The following PLAG1 variants were observed in gnomAD, a reference collection of about 807,000 sequenced individuals.
PLAG1 encodes zinc finger protein PLAG1.
In PLAG1, 7 loss-of-function variants were observed where a neutral mutation model predicts 35.5. The ratio of observed to expected loss-of-function variants is 0.20; its 90% CI spans 0.11 to 0.37. The LOEUF (loss-of-function observed/expected upper bound fraction) is 0.37, where lower values mean the gene tolerates loss of function less well. PLAG1 is among the 10% of genes least tolerant of loss of function. The pLI is 1.00. For synonymous variants in PLAG1, 229 were observed against 225.4 expected, an observed-to-expected ratio of 1.02 and a Z score of -0.14; for missense variants, 454 against 602.8, an observed-to-expected ratio of 0.75 and a Z score of 2.58.
intron 1 of PLAG1, among the ~76,000 whole-genome samples, chr8:56,189,424 C>T (rs536128848): frequency 6.6e-6 from 1 of 152,252 alleles, no homozygotes; most frequent in South Asian, 2.1e-4. Context: ...CCAGTATAGA[C>T]CCCCTATCTG....
intron 1 of PLAG1, among the ~76,000 whole-genome samples, chr8:56,200,057 C>T (rs1812505685): frequency 6.6e-6 from 1 of 152,274 alleles, no homozygotes; most frequent in Admixed American, 6.5e-5. Flanking sequence ...GCTTTCTCCA[C>T]CATCATTCTG....
chr8:56,180,571 G>A (rs1352565701), intron 1 of PLAG1, among the ~76,000 whole-genome samples: 1 of 152,176 alleles, frequency 6.6e-6, no homozygotes. Flanking sequence ...TATTGCCTAG[G>A]TTTTCTTCTA....
chr8:56,204,929 A>G (rs1182677048), intron 1 of PLAG1, among the ~76,000 whole-genome samples: 1 of 151,896 alleles, frequency 6.6e-6, no homozygotes. Flanking sequence ...AGTAAAGGCA[A>G]CTTCTATCCC....
intron 1 of PLAG1, among the ~76,000 whole-genome samples, chr8:56,205,481 A>C (rs1812671945): frequency 6.6e-6 from 1 of 151,866 alleles, no homozygotes; most frequent in East Asian, 1.9e-4. Flanking sequence ...ATTGGTATTA[A>C]AAATATTCTT....
At chr8:56,186,504 T>C (rs893723962) in intron 1 of PLAG1, among the ~76,000 whole-genome samples, 5 of 151,916 alleles carry the variant, frequency 3.3e-5, no homozygotes, top group Non-Finnish European at 7.4e-5. Flanking sequence ...CCTGAGTAGG[T>C]AGGACCACAG....
chr8:56,183,184 T>C (rs527366686), intron 1 of PLAG1, among the ~76,000 whole-genome samples: 14 of 152,220 alleles, frequency 9.2e-5, no homozygotes, highest in South Asian at 2.1e-4. Flanking sequence ...GGAGTGTAAA[T>C]TGTTGAAACC....
intron 1 of PLAG1, among the ~76,000 whole-genome samples, chr8:56,197,381 C>G (rs911414439): frequency 1.3e-5 from 2 of 152,216 alleles, no homozygotes; most frequent in Non-Finnish European, 1.5e-5. Context: ...CTCTCTCCCC[C>G]AGTCCAGGTG....
intron 1 of PLAG1, among the ~76,000 whole-genome samples, chr8:56,198,785 C>T (rs943536093): frequency 6.6e-6 from 1 of 152,106 alleles, no homozygotes; most frequent in African/African-American, 2.4e-5. Context: ...CCCAGGACTC[C>T]TCACCTCTGA....
intron 1 of PLAG1, among the ~76,000 whole-genome samples, chr8:56,195,941 A>G (rs1162856857): frequency 6.6e-6 from 1 of 152,184 alleles, no homozygotes; most frequent in Admixed American, 6.5e-5. Context: ...AGTGATATCA[A>G]GATGACAGAC....
At chr8:56,170,396 G>C (rs1455463922) in intron 3 of PLAG1, among the ~76,000 whole-genome samples, 1 of 152,092 alleles carries the variant, frequency 6.6e-6, no homozygotes, top group Non-Finnish European at 1.5e-5. Flanking sequence ...GCTTCCCTTG[G>C]AAATATCTAA....
At chr8:56,179,872 T>C (rs1420656398) in intron 1 of PLAG1, among the ~76,000 whole-genome samples, 1 of 152,162 alleles carries the variant, frequency 6.6e-6, no homozygotes, top group Non-Finnish European at 1.5e-5. Flanking sequence ...CCTTTTGTGG[T>C]GTCTATCTTG....
At chr8:56,198,351 C>A (rs1812444480) in intron 1 of PLAG1, among the ~76,000 whole-genome samples, 1 of 152,196 alleles carries the variant, frequency 6.6e-6, no homozygotes, top group Non-Finnish European at 1.5e-5. Context: ...CTGAGGCAGG[C>A]AGGCTGTGGG....
intron 1 of PLAG1, among the ~76,000 whole-genome samples, chr8:56,187,932 T>A (rs1006696930): frequency 1.3e-5 from 2 of 152,222 alleles, no homozygotes; most frequent in African/African-American, 2.4e-5. Context: ...GTTTGCATGT[T>A]AAATTGAAAA....
intron 1 of PLAG1, among the ~76,000 whole-genome samples, chr8:56,196,496 T>C (rs1812369738): frequency 6.6e-6 from 1 of 151,736 alleles, no homozygotes; most frequent in African/African-American, 2.4e-5. Flanking sequence ...ATAGGAAGAG[T>C]TCAGGTACTT....
Position 56,167,865 on chromosome 8 carries a change from A to G in PLAG1, c.242+163T>C, listed in dbSNP as rs1811406552. Among the ~76,000 whole-genome samples the G allele has an allele frequency of 6.6e-6, 1 of 152,268 alleles. No individual in the cohort carries two copies. Among genetic ancestry groups the G allele is most frequent in the Non-Finnish European group, 1.5e-5 (1 of 68,048 alleles). ...TCCAAAGACACTAACACATAAAAGT[A>G]TGTGATTTAGAATACTAAAAACTAA... On this transcript the variant is annotated intron_variant, in intron 4 of 4. Coordinates refer to ENST00000316981, the MANE Select transcript of PLAG1 (RefSeq NM_002655.3). This position sits in a 1 kb window ranked among gnomAD's most constrained non-coding sequence, Gnocchi z 5.9.
chr8:56,184,695 T>A (rs1209720963), intron 1 of PLAG1, among the ~76,000 whole-genome samples: 3 of 152,130 alleles, frequency 2.0e-5, no homozygotes, highest in African/African-American at 4.8e-5. Context: ...GGTGAATGGA[T>A]CATTTGAGGT....
chr8:56,166,324 A>G lies in PLAG1; in HGVS notation c.1422T>C (p.Ser474=). 1.2e-6 allele frequency: 2 copies of G among 1,613,794 alleles called. No individual in the cohort carries two copies. The highest frequency in any genetic ancestry group is 4.5e-5 in the East Asian group (2 of 44,880). Residue 474 remains serine, a synonymous_variant, in exon 5 of 5, where the codon TCT becomes TCC. Transcript: ENST00000316981. ...QDPANTIGLG[S]LHSLSAAFTS... is the part of the protein sequence containing the mutation. The stretch of plus-strand genomic sequence containing the variant: ...TGAAAGCTGCTGACAGTGAGTGCAG[A>G]GACCCAAGCCCTATAGTGTTTGCAG...
intron 1 of PLAG1, among the ~76,000 whole-genome samples, chr8:56,204,091 G>T (rs1343408903): frequency 6.6e-6 from 1 of 151,886 alleles, no homozygotes; most frequent in Non-Finnish European, 1.5e-5. Context: ...GTGTAACACA[G>T]AATAATGGAG....
chr8:56,173,861 A>C (rs1811613085), intron 2 of PLAG1, among the ~76,000 whole-genome samples: 1 of 152,160 alleles, frequency 6.6e-6, no homozygotes. Flanking sequence ...GATGTTTTAC[A>C]TTATTCTAAA....
Sources: allele counts gnomAD v4.1 joint callset (sites outside exome capture counted in the v4.1 genomes callset), GRCh38; gene constraint gnomAD v4.1.1; non-coding constraint Gnocchi (gnomAD v3.1); transcripts MANE v1.5; gene names NCBI Gene and HGNC (gene_info 2026-07-23, HGNC 2026-07-21).